MRPL49: variants seen among roughly 807,000 people sequenced by gnomAD.
MRPL49 encodes large ribosomal subunit protein mL49.
A neutral mutation model predicts 18.4 loss-of-function variants in MRPL49; 14 were observed. The ratio of observed to expected loss-of-function variants is 0.76; its 90% confidence interval spans 0.50 to 1.19. MRPL49 has a LOEUF of 1.19. Ranked by LOEUF, MRPL49 falls within the 50% of genes most tolerant of loss-of-function variation. The pLI is 0.00. For synonymous variants in MRPL49, 104 were observed against 86.2 expected (o/e 1.21, Z -1.14); for missense variants, 190 against 217.8 (o/e 0.87, Z 0.80).
Position 65,125,741 on chromosome 11 carries a change from G to A in MRPL49, c.370G>A (p.Val124Met), listed in dbSNP as rs34713603. The change falls in exon 4 of 4, where the codon GTG becomes ATG. Residue 124 changes from valine to methionine, a missense_variant. Transcript: ENST00000279242. ...EGDIWALQKD[V>M]EDFLSPLLGK... ...CTTTCCCCAGGCCCTGCAGAAAGACGTGGAAGATTTTCTGAGCCCGCTGCT... is the reference window on the plus strand; with the variant it reads ...CTTTCCCCAGGCCCTGCAGAAAGACATGGAAGATTTTCTGAGCCCGCTGCT... 1.4e-3 allele frequency: 2,310 copies of A among 1,613,862 alleles called. 37 individuals carry two copies. The African/African-American group carries it at 0.027, about 19-fold the overall frequency.
At chr11:65,125,426 C>T (rs1948089813) in intron 2 of MRPL49, 62 bp from the exon 3 acceptor site, 15 of 1,607,272 alleles carry the variant, frequency 9.3e-6, no homozygotes, top group Non-Finnish European at 1.2e-5. Flanking sequence ...GAGCAAGGGC[C>T]TTGGCTGAGG....
chr11:65,124,495 G>T lies in MRPL49; in HGVS notation c.79-7G>T, dbSNP rs1259948893. On this transcript the variant is annotated splice_region_variant and splice_polypyrimidine_tract_variant and intron_variant, in intron 1 of 3. Transcript: ENST00000279242. ...AATGGAGAAATGGGATTTTTGTTTTGCTTCAGAGCCAGACCCAGGGCCCTC... is the reference window on the plus strand; with the variant it reads ...AATGGAGAAATGGGATTTTTGTTTTTCTTCAGAGCCAGACCCAGGGCCCTC... 2 of 1,609,306 alleles carry T rather than the reference G, an allele frequency of 1.2e-6. No individual in the cohort carries two copies. Among genetic ancestry groups the T allele is most frequent in the East Asian group, 2.2e-5 (1 of 44,834 alleles).
At chr11:65,124,855 C>G in intron 2 of MRPL49, 1 of 535,594 alleles carries the variant, frequency 1.9e-6, no homozygotes, top group Non-Finnish European at 3.2e-6. Context: ...TCCATCCACA[C>G]TATTGAGATC....
intron 1 of MRPL49, 112 bp downstream of exon 1, chr11:65,122,536 T>C (rs1948062303): frequency 2.0e-6 from 2 of 994,718 alleles, no homozygotes; most frequent in Non-Finnish European, 3.0e-6. Flanking sequence ...AGTTTTGCCG[T>C]TTTCGATCAG....
chr11:65,123,228 C>T (rs545070184), intron 1 of MRPL49, among the ~76,000 whole-genome samples: 5 of 152,282 alleles, frequency 3.3e-5, no homozygotes, highest in African/African-American at 1.2e-4. Flanking sequence ...TGTACATATA[C>T]TCTTTTGCAT....
At chr11:65,122,844 C>G (rs1481810910) in intron 1 of MRPL49, among the ~76,000 whole-genome samples, 1 of 151,996 alleles carries the variant, frequency 6.6e-6, no homozygotes, top group Non-Finnish European at 1.5e-5. Flanking sequence ...CTCAGCCTCC[C>G]GAGTAGCTGG....
intron 1 of MRPL49, 121 bp from the exon 2 acceptor site, chr11:65,124,381 G>A (rs1184148921): frequency 7.9e-6 from 8 of 1,010,358 alleles, no homozygotes; most frequent in African/African-American, 4.9e-5. Flanking sequence ...TCACACCGTC[G>A]CCCAGCCTTT....
intron 1 of MRPL49, among the ~76,000 whole-genome samples, 168 bp from the exon 2 acceptor site, chr11:65,124,334 A>G (rs1948080334): frequency 6.6e-6 from 1 of 151,986 alleles, no homozygotes; most frequent in Non-Finnish European, 1.5e-5. Flanking sequence ...GGGATTTTTA[A>G]CCCAAGTGAC....
At chr11:65,125,350 G>C in intron 2 of MRPL49, 138 bp from the exon 3 acceptor site, 1 of 1,062,510 alleles carries the variant, frequency 9.4e-7, no homozygotes. Context: ...GGAAAGAGGA[G>C]ACCCCCTGAC....
intron 1 of MRPL49, among the ~76,000 whole-genome samples, chr11:65,122,720 C>CTTTT (rs11445335): frequency 4.6e-5 from 6 of 130,856 alleles, no homozygotes; most frequent in African/African-American, 1.1e-4. Context: ...TGCCTTAATT[C>CTTTT]TTTTTTTTTT....
chr11:65,127,308 T>C lies in MRPL49; in HGVS notation c.*1436T>C. 4.5e-6 allele frequency: 2 copies of C among 448,774 alleles called. No individual in the cohort carries two copies. The highest frequency in any genetic ancestry group is 7.9e-6 in the Non-Finnish European group (2 of 254,456). 27.8% of individuals were successfully genotyped at this position (448,774 alleles called of 1,614,324 possible). A position where few individuals can be genotyped will look rare whatever the true frequency, so the allele number is the denominator to read the frequency against. The stretch of plus-strand genomic sequence containing the variant: ...TAATGCAAGTTTTTATTTGGCTGTA[T>C]ATACAATTTAAGCTATTAAAATTTG... On this transcript the variant is annotated 3_prime_UTR_variant, in exon 4 of 4. Coordinates refer to ENST00000279242, the MANE Select transcript of MRPL49 (RefSeq NM_004927.4).
In MRPL49 at chr11:65,124,500, A is replaced by G. The variant is rs201353425; in HGVS notation, c.79-2A>G. 5.4e-5 allele frequency: 87 copies of G among 1,612,390 alleles called. No homozygotes were observed. Among genetic ancestry groups the G allele is most frequent in the Non-Finnish European group, 6.9e-5 (81 of 1,179,372 alleles). ...AGAAATGGGATTTTTGTTTTGCTTC[A>G]GAGCCAGACCCAGGGCCCTCCAGAT... On this transcript the variant is annotated splice_acceptor_variant, in intron 1 of 3. Coordinates refer to ENST00000279242, the MANE Select transcript of MRPL49 (RefSeq NM_004927.4). LOFTEE classifies it high-confidence loss of function.
intron 1 of MRPL49, 173 bp downstream of exon 1, chr11:65,122,597 T>C (rs929074555): frequency 8.1e-6 from 5 of 620,828 alleles, no homozygotes; most frequent in Non-Finnish European, 1.4e-5. Context: ...AATGGTAGAC[T>C]GGGGTGCTCT....
intron 1 of MRPL49, 127 bp downstream of exon 1, chr11:65,122,551 A>G (rs1264886801): frequency 8.4e-6 from 7 of 834,078 alleles, no homozygotes; most frequent in Non-Finnish European, 1.3e-5. Flanking sequence ...GATCAGGAGA[A>G]CTTGTCCCGA....
At chr11:65,125,320 G>C in intron 2 of MRPL49, 168 bp from the exon 3 acceptor site, 1 of 750,858 alleles carries the variant, frequency 1.3e-6, no homozygotes, top group Non-Finnish European at 2.1e-6. Flanking sequence ...TGAACAATTT[G>C]GTCCTGACTC....
rs1453867478 is a variant in MRPL49 at position 65,124,485 on chromosome 11, T to A, written c.79-17T>A. 2 of 1,611,108 alleles carry A rather than the reference T, an allele frequency of 1.2e-6. No homozygotes were observed. Among genetic ancestry groups the A allele is most frequent in the Non-Finnish European group, 1.7e-6 (2 of 1,178,656 alleles). On this transcript the variant is annotated splice_polypyrimidine_tract_variant and intron_variant, in intron 1 of 3. Coordinates refer to ENST00000279242, the MANE Select transcript of MRPL49 (RefSeq NM_004927.4). The stretch of plus-strand genomic sequence containing the variant: ...TGGGTAGGCTAATGGAGAAATGGGA[T>A]TTTTGTTTTGCTTCAGAGCCAGACC...
In MRPL49 at chr11:65,122,405, G is replaced by A. The variant is rs1405523092; in HGVS notation, c.59G>A (p.Gly20Asp). 2 of 1,613,038 alleles carry A rather than the reference G, an allele frequency of 1.2e-6. No homozygotes were observed. The highest frequency in any genetic ancestry group is 1.7e-6 in the Non-Finnish European group (2 of 1,179,602). Residue 20 changes from glycine (G) to aspartate (D), a missense_variant, in exon 1 of 4, where the codon GGC (glycine) becomes GAC (aspartate). Transcript: ENST00000279242. ...LRGWRTGVQR[G>D]CGLRLLSQTQ... ...GGATGGAGAACCGGTGTCCAGCGGG[G>A]CTGCGGGCTACGGCTGTTGGTGAGA...
chr11:65,123,737 A>T (rs888932146), intron 1 of MRPL49, among the ~76,000 whole-genome samples: 21 of 152,334 alleles, frequency 1.4e-4, no homozygotes, highest in African/African-American at 3.8e-4. Flanking sequence ...CTATCTAAAA[A>T]AATAATAAAA....
At chr11:65,125,674 CTT>C in intron 3 of MRPL49, 50 bp from the exon 4 acceptor site, 2 of 1,611,566 alleles carry the variant, frequency 1.2e-6, no homozygotes, top group African/African-American at 2.7e-5. Context: ...GGACAGGAGT[CTT>C]TTTAAGGGAA....
Sources: allele counts gnomAD v4.1 joint callset (sites outside exome capture counted in the v4.1 genomes callset), GRCh38; gene constraint gnomAD v4.1.1; transcripts MANE v1.5; gene names NCBI Gene and HGNC (gene_info 2026-07-23, HGNC 2026-07-21).